TMEM117: variants seen among roughly 807,000 people sequenced by gnomAD.
TMEM117 encodes the protein transmembrane protein 117.
TMEM117 carries 27 observed loss-of-function variants against 52.4 expected under a neutral mutation model. The observed-to-expected ratio is 0.51, with a 90% CI of 0.38 to 0.71. TMEM117 has a LOEUF of 0.71. Ranked by LOEUF, TMEM117 falls within the 30% of genes least tolerant of loss-of-function variation. The probability of loss-of-function intolerance (pLI) is 0.00; values close to 1 mark genes in which losing one functional copy is unlikely to be tolerated. For synonymous variants in TMEM117, 215 were observed against 206.3 expected (o/e 1.04, Z -0.36); for missense variants, 556 against 630.5 (o/e 0.88, Z 1.26).
At chr12:43,948,265 C>T (rs1156278594) in intron 3 of TMEM117, among the ~76,000 whole-genome samples, 1 of 152,104 alleles carries the variant, frequency 6.6e-6, no homozygotes, top group Non-Finnish European at 1.5e-5. Context: ...TTCTGCACCT[C>T]TGTTCCTTAT....
intron 2 of TMEM117, among the ~76,000 whole-genome samples, chr12:43,926,090 A>G (rs149448049): frequency 2.0e-5 from 3 of 152,338 alleles, no homozygotes; most frequent in Admixed American, 6.5e-5. Flanking sequence ...AATTCAGTAT[A>G]TATCTAAATT....
At chr12:44,173,098 TGAG>T (rs1210701595) in intron 4 of TMEM117, among the ~76,000 whole-genome samples, 3 of 152,056 alleles carry the variant, frequency 2.0e-5, no homozygotes, top group African/African-American at 7.2e-5. Context: ...GTTTTTGGGA[TGAG>T]GTCTTACTCT....
chr12:44,326,181 GTTTTTGTTTTTTGT>G (rs934802795), intron 6 of TMEM117, among the ~76,000 whole-genome samples: 1 of 151,090 alleles, frequency 6.6e-6, no homozygotes, highest in African/African-American at 2.5e-5. Context: ...TTTTGTTTTT[GTTTTTGTTTTTTGT>G]TTTTTGTTTT....
intron 6 of TMEM117, among the ~76,000 whole-genome samples, chr12:44,332,164 A>G (rs113139758): frequency 1.3e-5 from 2 of 152,188 alleles, no homozygotes; most frequent in African/African-American, 4.8e-5. Context: ...CACTGGCTAT[A>G]TTTAACCTCT....
At chr12:43,943,109 C>T (rs977317613) in intron 2 of TMEM117, among the ~76,000 whole-genome samples, 3 of 123,412 alleles carry the variant, frequency 2.4e-5, no homozygotes, top group East Asian at 2.7e-4. Flanking sequence ...ACCCGAGAGG[C>T]GGAAGTTGTG....
intron 3 of TMEM117, among the ~76,000 whole-genome samples, chr12:44,017,359 A>G (rs1423176284): frequency 7.7e-6 from 1 of 129,184 alleles, no homozygotes; most frequent in Non-Finnish European, 1.6e-5. Context: ...GATGAGACAG[A>G]TGGTATTTTT....
chr12:43,799,578 A>G, the TMEM117 span: 1 of 713,236 alleles, frequency 1.4e-6, no homozygotes, highest in Non-Finnish European at 2.2e-6. Flanking sequence ...AGGAAAAACA[A>G]AATCATTAAC....
At position 44,245,660 on chromosome 12, in the gene TMEM117, C is replaced by T. The variant is rs540659593; in HGVS notation, c.608+34273C>T. Among the ~76,000 whole-genome samples the T allele has an allele frequency of 9.9e-5, 15 of 151,892 alleles. 1 individual carries two copies. The South Asian group carries it at 3.1e-3, about 32-fold the overall frequency. On this transcript the variant is annotated intron_variant, in intron 5 of 7. Coordinates refer to ENST00000266534, the MANE Select transcript of TMEM117 (RefSeq NM_032256.3). ...TCAACAGAAAGAATTTCACTTCTTC[C>T]TTTCCTATTTGGATACCTTTTATTT...
chr12:43,901,406 G>A (rs1944302840), intron 2 of TMEM117, among the ~76,000 whole-genome samples: 1 of 152,104 alleles, frequency 6.6e-6, no homozygotes, highest in African/African-American at 2.4e-5. Context: ...CGCCTCCTGG[G>A]TTCAAGCCAT....
intron 4 of TMEM117, among the ~76,000 whole-genome samples, chr12:44,180,802 G>T (rs373982220): frequency 1.3e-5 from 2 of 151,772 alleles, no homozygotes; most frequent in South Asian, 2.1e-4. Flanking sequence ...GAATAATGCC[G>T]CAATAAACAT....
chr12:44,005,627 A>G (rs1480569335), intron 3 of TMEM117, among the ~76,000 whole-genome samples: 1 of 152,168 alleles, frequency 6.6e-6, no homozygotes, highest in Non-Finnish European at 1.5e-5. Context: ...TCAATAAATC[A>G]GTTTTGCAAA....
intron 5 of TMEM117, among the ~76,000 whole-genome samples, chr12:44,223,898 A>G (rs1949824078): frequency 6.6e-6 from 1 of 152,182 alleles, no homozygotes; most frequent in Non-Finnish European, 1.5e-5. Flanking sequence ...TCGTTCTGCC[A>G]ATTGGCTTGG....
intron 5 of TMEM117, among the ~76,000 whole-genome samples, chr12:44,224,513 TCTCCTTCTC>T (rs1052946890): frequency 3.9e-4 from 60 of 152,086 alleles, no homozygotes; most frequent in Non-Finnish European, 4.3e-4. Context: ...GTCTTCTTCT[TCTCCTTCTC>T]CTCCTTCTCC....
the TMEM117 span, chr12:43,797,980 G>A: frequency 1.2e-6 from 1 of 803,200 alleles, no homozygotes; most frequent in East Asian, 2.7e-5. Context: ...TTACGGTCCT[G>A]CTAGCATTTT....
At chr12:44,028,089 A>G (rs1946572853) in intron 3 of TMEM117, among the ~76,000 whole-genome samples, 1 of 152,148 alleles carries the variant, frequency 6.6e-6, no homozygotes, top group African/African-American at 2.4e-5. Context: ...GCTACTCGGG[A>G]GGCTGAGGCA....
At chr12:44,120,574 T>G (rs973853491) in intron 3 of TMEM117, among the ~76,000 whole-genome samples, 5 of 152,198 alleles carry the variant, frequency 3.3e-5, no homozygotes, top group Non-Finnish European at 7.3e-5. Flanking sequence ...TGCTACTAGC[T>G]TCCCCTGTGC....
intron 6 of TMEM117, among the ~76,000 whole-genome samples, chr12:44,345,869 AT>A (rs1951479779): frequency 6.6e-6 from 1 of 152,096 alleles, no homozygotes; most frequent in South Asian, 2.1e-4. Flanking sequence ...TGTAAATAGG[AT>A]TATAATTAGG....
At chr12:44,117,155 CTT>C (rs1208819540) in intron 3 of TMEM117, among the ~76,000 whole-genome samples, 2 of 152,168 alleles carry the variant, frequency 1.3e-5, no homozygotes, top group African/African-American at 4.8e-5. Flanking sequence ...TTAGTTTTGA[CTT>C]CAGTTTCAGC....
chr12:44,162,359 C>T (rs1948909524), intron 4 of TMEM117, among the ~76,000 whole-genome samples: 1 of 152,090 alleles, frequency 6.6e-6, no homozygotes, highest in Admixed American at 6.6e-5. Context: ...TGAAACCATG[C>T]CCTCAGGGTG....
Sources: allele counts gnomAD v4.1 joint callset (sites outside exome capture counted in the v4.1 genomes callset), GRCh38; gene constraint gnomAD v4.1.1; transcripts MANE v1.5; gene names NCBI Gene and HGNC (gene_info 2026-07-23, HGNC 2026-07-21).